Variants in UBR4 observed in about 807,000 individuals in gnomAD.
UBR4 encodes E3 ubiquitin-protein ligase UBR4.
In UBR4, 124 loss-of-function variants were observed where a neutral mutation model predicts 575.6. The ratio of observed to expected loss-of-function variants is 0.22; its 90% confidence interval spans 0.19 to 0.25. The LOEUF (loss-of-function observed/expected upper bound fraction) is 0.25. Among genes scored for constraint, UBR4 ranks in the 10% least tolerant of loss-of-function variants. The probability of loss-of-function intolerance (pLI) is 1.00; values close to 1 mark genes in which losing one functional copy is unlikely to be tolerated. For synonymous variants in UBR4, 2,455 were observed against 2,473.7 expected, an observed-to-expected ratio of 0.99 and a Z score of 0.22; for missense variants, 4,818 against 6,478.8, an observed-to-expected ratio of 0.74 and a Z score of 8.80.
Position 19,118,854 on chromosome 1 carries a change from A to G in UBR4, c.10541+18T>C, listed in dbSNP as rs774910921. On this transcript the variant is annotated intron_variant, in intron 71 of 105. Transcript: ENST00000375254. ...GCTGACTGAGCTTCCCACAGGTAGA[A>G]AGCAAAACAAAGCTCACTTATAAAT... is the stretch of plus-strand genomic sequence containing the variant. 1 of 1,613,946 alleles carries G rather than the reference A, an allele frequency of 6.2e-7. No homozygotes were observed. The highest frequency in any genetic ancestry group is 2.2e-5 in the East Asian group (1 of 44,878).
intron 55 of UBR4, 34 bp from the exon 56 acceptor site, chr1:19,141,811 C>T (rs1285298756): frequency 6.2e-7 from 1 of 1,609,556 alleles, no homozygotes; most frequent in Non-Finnish European, 8.5e-7. Flanking sequence ...CCTGAAGGTG[C>T]TTGCTTTCCT....
rs2077249452 is a variant in UBR4, at chr1:19,088,750, T to C, written c.14430+9A>G. The C allele has an allele frequency of 6.2e-7, 1 of 1,612,496 alleles. No homozygotes were observed. Among genetic ancestry groups the C allele is most frequent in the African/African-American group, 1.3e-5 (1 of 74,846 alleles). On this transcript the variant is annotated intron_variant, in intron 98 of 105. Coordinates refer to ENST00000375254, the MANE Select transcript of UBR4 (RefSeq NM_020765.3). This position sits in a 1 kb window ranked among gnomAD's most constrained non-coding sequence, Gnocchi z 4.0. ...GCAGAAATATGGGGACTCTAGGTGG[T>C]AGCTTTACCGTCATGCCCAGGGTGC...
At chr1:19,113,354 G>A (rs768387935) in intron 77 of UBR4, 4 of 314,592 alleles carry the variant, frequency 1.3e-5, no homozygotes, top group African/African-American at 2.1e-5. Flanking sequence ...CAAACACGGC[G>A]TTATCAGAAG....
At position 19,148,134 on chromosome 1, in the gene UBR4, CA is replaced by C; in HGVS notation, c.7495-8del. On this transcript the variant is annotated splice_region_variant and splice_polypyrimidine_tract_variant and intron_variant, in intron 50 of 105. Transcript: ENST00000375254. ...CAGCATTCTTGTTTCTCTCCTAAGGCAAAAGACAGCAGGGTTATCACTAACC... is the reference window on the plus strand; with the variant it reads ...CAGCATTCTTGTTTCTCTCCTAAGGCAAAGACAGCAGGGTTATCACTAACC... 1 of 1,601,274 alleles carries C rather than the reference CA, an allele frequency of 6.2e-7. No homozygotes were observed.
At chr1:19,162,243 A>G (rs1179045966) in intron 35 of UBR4, among the ~76,000 whole-genome samples, 177 bp downstream of exon 35, 1 of 152,226 alleles carries the variant, frequency 6.6e-6, no homozygotes, top group Non-Finnish European at 1.5e-5. Context: ...AGTCCTTTCC[A>G]CAAGAGATTA....
chr1:19,118,855 A>G lies in UBR4; in HGVS notation c.10541+17T>C, dbSNP rs760646968. 2 of 1,613,990 alleles carry G rather than the reference A, an allele frequency of 1.2e-6. No homozygotes were observed. The highest frequency in any genetic ancestry group is 1.1e-5 in the South Asian group (1 of 91,078). On this transcript the variant is annotated intron_variant, in intron 71 of 105. Coordinates refer to ENST00000375254, the MANE Select transcript of UBR4 (RefSeq NM_020765.3). ...CTGACTGAGCTTCCCACAGGTAGAAAGCAAAACAAAGCTCACTTATAAATG... is the reference window on the plus strand; with the variant it reads ...CTGACTGAGCTTCCCACAGGTAGAAGGCAAAACAAAGCTCACTTATAAATG...
At chr1:19,165,460 C>A in intron 30 of UBR4, 111 bp from the exon 31 acceptor site, 1 of 1,092,576 alleles carries the variant, frequency 9.2e-7, no homozygotes, top group South Asian at 1.5e-5. Context: ...ACTTATGAGT[C>A]AATAGCACAA....
At chr1:19,182,344 AT>A (rs35107779) in intron 17 of UBR4, among the ~76,000 whole-genome samples, 69,001 of 148,758 alleles carry the variant, frequency 0.46, 16,232 homozygotes, top group East Asian at 0.79. Flanking sequence ...TAGTAATTCT[AT>A]TTTTTTTTTT....
intron 12 of UBR4, 52 bp from the exon 13 acceptor site, chr1:19,187,353 A>C (rs772300545): frequency 2.5e-6 from 4 of 1,608,352 alleles, no homozygotes; most frequent in Non-Finnish European, 3.4e-6. Flanking sequence ...AGCCAGAAAA[A>C]ACAACTTGAG....
At chr1:19,149,813 GAA>G (rs376797517) in intron 49 of UBR4, 85 of 983,154 alleles carry the variant, frequency 8.6e-5, no homozygotes, top group Admixed American at 6.3e-4. Context: ...GAGAAGCAAA[GAA>G]AAAAAAAAAA....
intron 103 of UBR4, chr1:19,079,892 G>A (rs1165701794): frequency 2.0e-5 from 3 of 152,232 alleles, no homozygotes; most frequent in African/African-American, 7.2e-5. Flanking sequence ...TAGTAAAGGT[G>A]ACGAAACTGC....
At chr1:19,174,507 C>T in intron 21 of UBR4, 60 bp from the exon 22 acceptor site, 1 of 1,573,942 alleles carries the variant, frequency 6.4e-7, no homozygotes, top group Non-Finnish European at 8.6e-7. Flanking sequence ...TTCCTACTGC[C>T]TATACACTAT....
At chr1:19,112,901 G>A (rs1370822868) in intron 77 of UBR4, 34 bp from the exon 78 acceptor site, 1 of 1,515,968 alleles carries the variant, frequency 6.6e-7, no homozygotes, top group Non-Finnish European at 8.8e-7. Flanking sequence ...ATGGGAATTA[G>A]CAATTAAAAT....
At chr1:19,200,936 G>A (rs2092713978) in intron 2 of UBR4, among the ~76,000 whole-genome samples, 1 of 152,196 alleles carries the variant, frequency 6.6e-6, no homozygotes, top group Admixed American at 6.5e-5. Context: ...TTGAGCCCAG[G>A]ACTTCCAGAC....
chr1:19,189,840 T>C lies in UBR4; in HGVS notation c.1395-2300A>G, dbSNP rs1228727250. 2.6e-5 allele frequency among the ~76,000 whole-genome samples: 4 copies of C among 152,234 alleles called. No homozygotes were observed. In the East Asian group the frequency reaches 7.7e-4, roughly 29 times the overall value. Reference sequence around the variant, plus strand: ...TAAAATCACAAACTACCGTTTGCTCTGGAACACTCTTACCTCCTTACTTCG... The same window carrying C: ...TAAAATCACAAACTACCGTTTGCTCCGGAACACTCTTACCTCCTTACTTCG... On this transcript the variant is annotated intron_variant, in intron 11 of 105. Transcript: ENST00000375254.
chr1:19,126,901 G>A lies in UBR4; in HGVS notation c.9229-246C>T, dbSNP rs189404222. 4.0e-3 allele frequency among the ~76,000 whole-genome samples: 611 copies of A among 152,278 alleles called. 3 individuals carry two copies. Among genetic ancestry groups the A allele is most frequent in the African/African-American group, 0.013 (537 of 41,560 alleles). On this transcript the variant is annotated intron_variant, in intron 63 of 105. Coordinates refer to ENST00000375254, the MANE Select transcript of UBR4 (RefSeq NM_020765.3). ...GTTCTCAACTCTAACCTTGCTACACGCACATATGCCAGAAGCCAGGGAGGC... is the reference window on the plus strand; with the variant it reads ...GTTCTCAACTCTAACCTTGCTACACACACATATGCCAGAAGCCAGGGAGGC...
intron 19 of UBR4, among the ~76,000 whole-genome samples, 177 bp from the exon 20 acceptor site, chr1:19,176,904 C>T (rs1214107706): frequency 6.6e-6 from 1 of 152,168 alleles, no homozygotes; most frequent in African/African-American, 2.4e-5. Flanking sequence ...ACGATAATAG[C>T]TTGGTATACC....
intron 60 of UBR4, among the ~76,000 whole-genome samples, chr1:19,131,586 A>C (rs1023912886): frequency 6.6e-6 from 1 of 152,202 alleles, no homozygotes; most frequent in Non-Finnish European, 1.5e-5. Flanking sequence ...AAAAAAATCT[A>C]AAATACACTG....
At position 19,198,603 on chromosome 1, in the gene UBR4, G is replaced by T; in HGVS notation, c.586C>A (p.Gln196Lys). ...CTAGGGTTAAAAACTGAGGTCAGCT[G>T]GTTCAAAAAATTCATCTGTACCTCC... ...QKEVQMNFLN[Q>K]LTSVFNPRTV... The change falls in exon 5 of 106, where the codon CAG (glutamine) becomes AAG (lysine). Residue 196 changes from glutamine to lysine, a missense_variant. Physicochemically the swap from Gln to Lys is moderately conservative, Grantham distance 53. Coordinates refer to ENST00000375254, the MANE Select transcript of UBR4 (RefSeq NM_020765.3). 2 of 1,614,114 alleles carry T rather than the reference G, an allele frequency of 1.2e-6. No homozygotes were observed. The highest frequency in any genetic ancestry group is 1.7e-6 in the Non-Finnish European group (2 of 1,180,028).
Sources: allele counts gnomAD v4.1 joint callset (sites outside exome capture counted in the v4.1 genomes callset), GRCh38; gene constraint gnomAD v4.1.1; non-coding constraint Gnocchi (gnomAD v3.1); transcripts MANE v1.5; gene names NCBI Gene and HGNC (gene_info 2026-07-23, HGNC 2026-07-21).